The following MYO16 variants were observed in gnomAD, a reference collection of about 807,000 sequenced individuals.
MYO16 encodes myosin XVI.
In MYO16, 94 loss-of-function variants were observed where a neutral mutation model predicts 205.3. The ratio of observed to expected loss-of-function variants is 0.46; its 90% CI spans 0.39 to 0.54. The LOEUF (loss-of-function observed/expected upper bound fraction) is 0.54, where lower values mean the gene tolerates loss of function less well. MYO16 is among the 20% of genes least tolerant of loss of function. MYO16 has a pLI of 0.00. For missense variants in MYO16, 2,315 were observed against 2,387.5 expected (o/e 0.97, Z 0.63); for synonymous variants, 988 against 954.0 (o/e 1.04, Z -0.66).
intron 4 of MYO16, among the ~76,000 whole-genome samples, chr13:108,751,216 G>T (rs2139635351): frequency 6.6e-6 from 1 of 152,086 alleles, no homozygotes; most frequent in African/African-American, 2.4e-5. Flanking sequence ...AACAAAAACA[G>T]GGATTTTTGG....
At chr13:108,986,044 A>G (rs1006166308) in intron 20 of MYO16, among the ~76,000 whole-genome samples, 2 of 152,204 alleles carry the variant, frequency 1.3e-5, no homozygotes, top group Non-Finnish European at 2.9e-5. Context: ...CACATCTTAC[A>G]TGGCAGCAGG....
intron 20 of MYO16, among the ~76,000 whole-genome samples, chr13:108,982,119 A>T (rs1884465216): frequency 6.6e-6 from 1 of 152,254 alleles, no homozygotes; most frequent in Non-Finnish European, 1.5e-5. Context: ...AGAAGGATAC[A>T]AAGTAGCAAA....
At chr13:108,885,631 T>C (rs1301383087) in intron 13 of MYO16, among the ~76,000 whole-genome samples, 1 of 152,224 alleles carries the variant, frequency 6.6e-6, no homozygotes, top group Non-Finnish European at 1.5e-5. Flanking sequence ...ACAACTAATG[T>C]TTATTGAGAA....
intron 27 of MYO16, among the ~76,000 whole-genome samples, chr13:109,076,994 CTT>C (rs1555329682): frequency 5.8e-5 from 6 of 103,398 alleles, no homozygotes; most frequent in Admixed American, 1.0e-4. Flanking sequence ...TTTGTTTACA[CTT>C]TTTTTTTTTT....
intron 24 of MYO16, among the ~76,000 whole-genome samples, chr13:109,051,198 C>T (rs1007823949): frequency 1.3e-5 from 2 of 152,172 alleles, no homozygotes; most frequent in African/African-American, 4.8e-5. Flanking sequence ...TTTTGCATTG[C>T]ATAATTGTAT....
chr13:108,702,314 C>T (rs1414587043), intron 2 of MYO16, among the ~76,000 whole-genome samples: 1 of 152,148 alleles, frequency 6.6e-6, no homozygotes, highest in East Asian at 1.9e-4. Context: ...AGAAGTTATG[C>T]TTCATGTACA....
chr13:108,521,110 A>G, the MYO16 span, among the ~76,000 whole-genome samples: 18,500 of 151,940 alleles, frequency 0.12, 1,223 homozygotes, highest in Middle Eastern at 0.2. Flanking sequence ...TTTGCTAGGT[A>G]TGAGATGAAA....
In MYO16 at chr13:109,127,310, T is replaced by C; in HGVS notation, c.3811T>C (p.Phe1271Leu). The C allele has an allele frequency of 6.3e-7, 1 of 1,598,140 alleles. No homozygotes were observed. The change falls in exon 31 of 35, where the codon TTC (phenylalanine) becomes CTC (leucine). Residue 1271 changes from phenylalanine to leucine, a missense_variant. Transcript: ENST00000457511. This position sits in a 1 kb window ranked among gnomAD's most constrained non-coding sequence, Gnocchi z 4.2. ...RTDDKSGPRH[F>L]HPSSMSVCAA... ...CGATGACAAGAGTGGACCCAGGCAT[T>C]TCCACCCCAGCTCCATGTCAGTCTG...
chr13:109,052,331 C>T lies in MYO16; in HGVS notation c.2904C>T (p.Phe968=), dbSNP rs1374694216. ...AAAATGTCGTGATCAATCATTTGTT[C>T]CAGTCGAAATTGTCACAAACAGGAT... ...TSENVVINHL[F]QSKLSQTGSL... is the part of the protein sequence containing the mutation. Residue 968 remains phenylalanine, a synonymous_variant, in exon 25 of 35, where the codon TTC becomes TTT. Coordinates refer to ENST00000457511, the MANE Select transcript of MYO16 (RefSeq NM_001198950.3). The T allele has an allele frequency of 6.8e-6, 11 of 1,613,028 alleles. No individual in the cohort carries two copies. The highest frequency in any genetic ancestry group is 9.3e-6 in the Non-Finnish European group (11 of 1,179,352).
At chr13:109,157,228 T>C (rs537842330) in intron 32 of MYO16, among the ~76,000 whole-genome samples, 1 of 122,374 alleles carries the variant, frequency 8.2e-6, no homozygotes, top group South Asian at 3.0e-4. Context: ...CTTTCTTTGC[T>C]AGATTAGTAT....
rs201519962 is a variant in MYO16 at position 109,115,966 on chromosome 13, AAAAC to A, written c.3439-4384_3439-4381del. Reference sequence around the variant, plus strand: ...TTTACTACAAGTATAGCATCTCAAAAAAACAAACAAACAAACAAACAAAAAACAG... The same window carrying A: ...TTTACTACAAGTATAGCATCTCAAAAAAACAAACAAACAAACAAAAAACAG... On this transcript the variant is annotated intron_variant, in intron 28 of 34. Coordinates refer to ENST00000457511, the MANE Select transcript of MYO16 (RefSeq NM_001198950.3). Among the ~76,000 whole-genome samples the A allele has an allele frequency of 3.5e-4, 53 of 149,410 alleles. 1 individual carries two copies. In the South Asian group the frequency reaches 7.1e-3, roughly 20 times the overall value.
At chr13:109,187,012 C>T (rs1456218229) in intron 34 of MYO16, among the ~76,000 whole-genome samples, 1 of 152,214 alleles carries the variant, frequency 6.6e-6, no homozygotes, top group South Asian at 2.1e-4. Flanking sequence ...TTTTCCATCT[C>T]TCCTGGTAAA....
At chr13:109,042,116 G>A (rs140173986) in intron 23 of MYO16, among the ~76,000 whole-genome samples, 217 of 152,150 alleles carry the variant, frequency 1.4e-3, no homozygotes, top group African/African-American at 5.0e-3. Flanking sequence ...CACCCGCCTC[G>A]GCCTCCAAAA....
Position 108,720,586 on chromosome 13 carries a change from G to A in MYO16, c.364-6854G>A, listed in dbSNP as rs184920364. ...AAAAGTTCAGAGTTTTGTTGTTGTT[G>A]TTGTTTTTTAATTTACTGGTAGAAC... On this transcript the variant is annotated intron_variant, in intron 3 of 34. Coordinates refer to ENST00000457511, the MANE Select transcript of MYO16 (RefSeq NM_001198950.3). 2.9e-3 allele frequency among the ~76,000 whole-genome samples: 438 copies of A among 152,220 alleles called. 4 individuals are homozygous for A. The highest frequency in any genetic ancestry group is 4.6e-3 in the Non-Finnish European group (314 of 68,002).
chr13:109,150,524 C>T (rs1877599585), intron 32 of MYO16, among the ~76,000 whole-genome samples: 1 of 152,160 alleles, frequency 6.6e-6, no homozygotes, highest in African/African-American at 2.4e-5. Context: ...GAGAAATTAC[C>T]TTAACATATT....
Position 108,606,316 on chromosome 13 carries a change from G to A in MYO16, c.-39+10077G>A, listed in dbSNP as rs181807177. ...AGGCATGTCAGAGACCTTCTCAGCC[G>A]TTCTCATTATAGGCCCAGAGGCCTA... On this transcript the variant is annotated intron_variant, in intron 1 of 24. Transcript: ENST00000251041. Among the ~76,000 whole-genome samples the A allele has an allele frequency of 5.8e-3, 878 of 152,244 alleles. 6 individuals are homozygous for A. Among genetic ancestry groups the A allele is most frequent in the African/African-American group, 6.8e-3 (282 of 41,558 alleles).
chr13:108,891,106 A>C (rs1374332147), intron 14 of MYO16, among the ~76,000 whole-genome samples: 2 of 152,220 alleles, frequency 1.3e-5, no homozygotes, highest in African/African-American at 4.8e-5. Flanking sequence ...CGTATAGGAG[A>C]AACATTTCAT....
At chr13:108,871,160 A>G (rs1879034231) in intron 12 of MYO16, among the ~76,000 whole-genome samples, 2 of 152,096 alleles carry the variant, frequency 1.3e-5, no homozygotes, top group African/African-American at 4.8e-5. Context: ...TGTCTGTTAT[A>G]TGATTTTTTT....
chr13:108,915,076 C>A (rs1881432335), intron 16 of MYO16, among the ~76,000 whole-genome samples: 1 of 152,188 alleles, frequency 6.6e-6, no homozygotes. Context: ...TGTAAAACTA[C>A]TTTCCTGTTT....
Sources: allele counts gnomAD v4.1 joint callset (sites outside exome capture counted in the v4.1 genomes callset), GRCh38; gene constraint gnomAD v4.1.1; non-coding constraint Gnocchi (gnomAD v3.1); transcripts MANE v1.5; gene names NCBI Gene and HGNC (gene_info 2026-07-23, HGNC 2026-07-21).